Variants in ADGRG3 observed in about 807,000 individuals in gnomAD.
The protein encoded by ADGRG3 is adhesion G protein-coupled receptor G3, also known as G protein-coupled receptor 97.
Under a neutral mutation model 54.3 loss-of-function variants are expected in ADGRG3, and 39 were observed. The ratio of observed to expected loss-of-function variants is 0.72; its 90% CI spans 0.56 to 0.94. The LOEUF (loss-of-function observed/expected upper bound fraction) is 0.94, where lower values mean the gene tolerates loss of function less well. Ranked by LOEUF, ADGRG3 falls within the 40% of genes least tolerant of loss-of-function variation. The pLI is 0.00. For synonymous variants in ADGRG3, 312 were observed against 290.0 expected (o/e 1.08, Z -0.77); for missense variants, 654 against 694.6 (o/e 0.94, Z 0.66).
chr16:57,678,189 A>G lies in ADGRG3; in HGVS notation c.365A>G (p.Lys122Arg), dbSNP rs1174597012. ...EPSQVPRQVM[K>R]DEDKPPDRVR... ...TTGTAGGTTCCGAGGCAGGTGATGA[A>G]GGACGAGGACAAGCCCCCTGACAGA... The change falls in exon 4 of 12, where the codon AAG becomes AGG. Residue 122 changes from lysine to arginine, a missense_variant. Physicochemically the swap from Lys to Arg is conservative, Grantham distance 26. Transcript: ENST00000333493. 1.9e-6 allele frequency: 3 copies of G among 1,614,182 alleles called. No homozygotes were observed. Among genetic ancestry groups the G allele is most frequent in the Non-Finnish European group, 2.5e-6 (3 of 1,180,002 alleles).
chr16:57,686,212 A>C (rs182595464), intron 11 of ADGRG3, among the ~76,000 whole-genome samples: 1 of 152,322 alleles, frequency 6.6e-6, no homozygotes, highest in Non-Finnish European at 1.5e-5. Context: ...ACAAAGCACA[A>C]CACCAGTATC....
chr16:57,669,478 G>A (rs1326153837), intron 1 of ADGRG3, among the ~76,000 whole-genome samples: 1 of 152,172 alleles, frequency 6.6e-6, no homozygotes, highest in Non-Finnish European at 1.5e-5. Flanking sequence ...CTGTGACCAG[G>A]GCTCATGGGC....
At chr16:57,678,913 G>T in intron 4 of ADGRG3, 1 of 532,112 alleles carries the variant, frequency 1.9e-6, no homozygotes, top group Non-Finnish European at 3.4e-6. Context: ...AGTTAAGAGG[G>T]CAGAGGAGCT....
At chr16:57,683,774 C>T (rs1255268315) in intron 8 of ADGRG3, among the ~76,000 whole-genome samples, 158 bp from the exon 9 acceptor site, 1 of 152,306 alleles carries the variant, frequency 6.6e-6, no homozygotes, top group African/African-American at 2.4e-5. Flanking sequence ...AGGACACTCC[C>T]ACTCTGGCTG....
intron 1 of ADGRG3, 67 bp downstream of exon 1, chr16:57,668,472 C>A: frequency 7.2e-7 from 1 of 1,394,938 alleles, no homozygotes; most frequent in Non-Finnish European, 9.8e-7. Context: ...AGGGAGGGAT[C>A]CAGGGACAGA....
At chr16:57,668,797 A>G (rs1283606649) in intron 1 of ADGRG3, among the ~76,000 whole-genome samples, 1 of 151,986 alleles carries the variant, frequency 6.6e-6, no homozygotes, top group Non-Finnish European at 1.5e-5. Context: ...GGATTCAGAC[A>G]CTCTGGAAGC....
intron 1 of ADGRG3, among the ~76,000 whole-genome samples, chr16:57,672,129 G>A (rs1298647765): frequency 1.3e-5 from 2 of 152,126 alleles, no homozygotes; most frequent in African/African-American, 2.4e-5. Context: ...GCAGTGAGCT[G>A]TGATCATGCT....
chr16:57,677,125 T>G (rs1192893938), intron 3 of ADGRG3, among the ~76,000 whole-genome samples: 6 of 152,208 alleles, frequency 3.9e-5, no homozygotes, highest in African/African-American at 1.4e-4. Context: ...AGAAATCACC[T>G]ACATGTCCTT....
intron 11 of ADGRG3, among the ~76,000 whole-genome samples, chr16:57,687,620 T>C (rs1470503901): frequency 6.6e-6 from 1 of 152,200 alleles, no homozygotes; most frequent in Non-Finnish European, 1.5e-5. Context: ...ATGTGGGAAC[T>C]ATATTAATAA....
chr16:57,688,559 T>C lies in ADGRG3; in HGVS notation c.*98T>C, dbSNP rs2048518537. On this transcript the variant is annotated 3_prime_UTR_variant, in exon 12 of 12. Coordinates refer to ENST00000333493, the MANE Select transcript of ADGRG3 (RefSeq NM_170776.5). ...TGTACTCCCTCAGTTTCCTTCTCTGTACAATGTGGCTGGGGAGGGAGAGGA... is the reference window on the plus strand; with the variant it reads ...TGTACTCCCTCAGTTTCCTTCTCTGCACAATGTGGCTGGGGAGGGAGAGGA... 2.5e-6 allele frequency: 2 copies of C among 794,894 alleles called. No individual in the cohort carries two copies. Among genetic ancestry groups the C allele is most frequent in the Non-Finnish European group, 2.2e-6 (1 of 445,968 alleles). 49.2% of individuals were successfully genotyped at this position (794,894 alleles called of 1,614,324 possible). A position where few individuals can be genotyped will look rare whatever the true frequency, so the allele number is the denominator to read the frequency against.
upstream of ADGRG3, among the ~76,000 whole-genome samples, chr16:57,666,399 T>G (rs1285556495): frequency 1.3e-5 from 2 of 152,190 alleles, no homozygotes; most frequent in Non-Finnish European, 2.9e-5. Context: ...TTTACCCCGA[T>G]GGTTATTATC....
At chr16:57,677,579 T>C (rs2048286126) in intron 3 of ADGRG3, among the ~76,000 whole-genome samples, 1 of 152,090 alleles carries the variant, frequency 6.6e-6, no homozygotes, top group Admixed American at 6.5e-5. Context: ...TGAGACTCCA[T>C]CTCAAAAAAA....
intron 3 of ADGRG3, among the ~76,000 whole-genome samples, 181 bp downstream of exon 3, chr16:57,676,519 G>A (rs138248748): frequency 4.6e-4 from 70 of 152,184 alleles, no homozygotes; most frequent in African/African-American, 1.2e-3. Context: ...TAAAATTTCC[G>A]TGAGCTCCTC....
At chr16:57,679,153 C>A in intron 4 of ADGRG3, 24 bp from the exon 5 acceptor site, 1 of 1,612,562 alleles carries the variant, frequency 6.2e-7, no homozygotes, top group Non-Finnish European at 8.5e-7. Context: ...TGCAGCCTGG[C>A]CTCCCCGATC....
At chr16:57,665,985 C>T (rs1440249525), upstream of ADGRG3, among the ~76,000 whole-genome samples, 5 of 147,030 alleles carry the variant, frequency 3.4e-5, no homozygotes. Context: ...CCTCCACTGA[C>T]CTCTGTCCCC....
At position 57,679,258 on chromosome 16, in the gene ADGRG3, A is replaced by C. The variant is rs143280279; in HGVS notation, c.574A>C (p.Thr192Pro). 1.1e-4 allele frequency: 185 copies of C among 1,613,988 alleles called. No homozygotes were observed. In the African/African-American group the frequency reaches 2.4e-3, roughly 21 times the overall value. ...VGLSVGQMHV[T>P]KLAEPLEIVF... ...TTTGAGTGTGGGACAAATGCATGTC[A>C]CCAAGCTGGCTGAGCCTCTGGAGAT... The change falls in exon 5 of 12, where the codon ACC (threonine) becomes CCC (proline). Residue 192 changes from threonine (T) to proline (P), a missense_variant. Thr to Pro is a conservative substitution (Grantham distance 38). Transcript: ENST00000333493.
rs2048345592 is a variant in ADGRG3, at chr16:57,680,374, C to G, written c.768+9C>G. 1 of 1,607,484 alleles carries G rather than the reference C, an allele frequency of 6.2e-7. No individual in the cohort carries two copies. Among genetic ancestry groups the G allele is most frequent in the Non-Finnish European group, 8.5e-7 (1 of 1,174,504 alleles). ...TTTTCGCCCTGCTCCTGGTAACAGC[C>G]CCCTCCACTCTGATCCCAGCCATCC... On this transcript the variant is annotated intron_variant, in intron 7 of 11. Coordinates refer to ENST00000333493, the MANE Select transcript of ADGRG3 (RefSeq NM_170776.5).
At chr16:57,671,754 T>C (rs569718079) in intron 1 of ADGRG3, among the ~76,000 whole-genome samples, 2 of 152,268 alleles carry the variant, frequency 1.3e-5, no homozygotes, top group South Asian at 2.1e-4. Context: ...TTATGGCAGA[T>C]TGTGAAAAAC....
At chr16:57,676,667 T>C (rs4784843) in intron 3 of ADGRG3, among the ~76,000 whole-genome samples, 70,763 of 152,062 alleles carry the variant, frequency 0.47, 18,033 homozygotes, top group Non-Finnish European at 0.58. Context: ...TGAGCCTCGG[T>C]TTCTCTGTCT....
Sources: gnomAD v4.1 joint callset for allele counts (sites outside exome capture counted in the v4.1 genomes callset) on GRCh38, gnomAD v4.1.1 for gene constraint, MANE v1.5 for transcripts, NCBI Gene and HGNC (gene_info 2026-07-23, HGNC 2026-07-21) for gene names.